The following ST8SIA2 variants were observed in gnomAD, a reference collection of about 807,000 sequenced individuals.
ST8SIA2 encodes the protein alpha-2,8-sialyltransferase 8B.
ST8SIA2 carries 22 observed loss-of-function variants against 37.6 expected under a neutral mutation model. The ratio of observed to expected loss-of-function variants is 0.58; its 90% CI spans 0.42 to 0.83. The LOEUF (loss-of-function observed/expected upper bound fraction) is 0.83. ST8SIA2 is among the 40% of genes least tolerant of loss of function. The pLI, the probability that ST8SIA2 is intolerant of heterozygous loss-of-function variation, is 0.00. For missense variants in ST8SIA2, 382 were observed against 484.7 expected (o/e 0.79, Z 1.99); for synonymous variants, 205 against 201.2 (o/e 1.02, Z -0.16).
intron 5 of ST8SIA2, among the ~76,000 whole-genome samples, chr15:92,455,554 G>A (rs1351777080): frequency 6.6e-6 from 1 of 152,180 alleles, no homozygotes; most frequent in African/African-American, 2.4e-5. Flanking sequence ...CGTGGTTTAA[G>A]TACTGCACCT....
chr15:92,412,175 A>C (rs1418542353), intron 1 of ST8SIA2, among the ~76,000 whole-genome samples: 3 of 152,134 alleles, frequency 2.0e-5, no homozygotes, highest in African/African-American at 7.2e-5. Context: ...GGAGGTGTGA[A>C]AAGGAAGGAG....
chr15:92,403,224 CT>C (rs2049484413), intron 1 of ST8SIA2, among the ~76,000 whole-genome samples: 1 of 152,162 alleles, frequency 6.6e-6, no homozygotes, highest in African/African-American at 2.4e-5. Flanking sequence ...GGTCACACAG[CT>C]AGTAAACATG....
intron 5 of ST8SIA2, among the ~76,000 whole-genome samples, chr15:92,454,350 T>C (rs2049903961): frequency 6.6e-6 from 1 of 152,072 alleles, no homozygotes; most frequent in Non-Finnish European, 1.5e-5. Flanking sequence ...CATATTGGAT[T>C]AAGGCCCACC....
intron 5 of ST8SIA2, among the ~76,000 whole-genome samples, chr15:92,451,183 T>G (rs1342915641): frequency 1.3e-5 from 2 of 152,220 alleles, no homozygotes; most frequent in Admixed American, 1.3e-4. Flanking sequence ...AACCAGGAAC[T>G]GAACTGCATT....
chr15:92,442,999 C>T (rs1009059944), intron 4 of ST8SIA2, among the ~76,000 whole-genome samples: 1 of 152,114 alleles, frequency 6.6e-6, no homozygotes, highest in African/African-American at 2.4e-5. Flanking sequence ...AAAAAAAGAG[C>T]TGACCTATGT....
At chr15:92,396,580 G>A (rs1016104518) in intron 1 of ST8SIA2, among the ~76,000 whole-genome samples, 12 of 151,356 alleles carry the variant, frequency 7.9e-5, no homozygotes, top group South Asian at 4.2e-4. Context: ...TGCAACCTCC[G>A]CCTCCCGGGT....
At chr15:92,394,196 C>A (rs1437137677) in intron 1 of ST8SIA2, 34 bp downstream of exon 1, 2 of 1,528,086 alleles carry the variant, frequency 1.3e-6, no homozygotes, top group Non-Finnish European at 1.8e-6. Context: ...TGCCACGAGC[C>A]CTGGCGGGAT....
chr15:92,401,639 C>T (rs2049472509), intron 1 of ST8SIA2, among the ~76,000 whole-genome samples: 2 of 152,198 alleles, frequency 1.3e-5, no homozygotes, highest in Non-Finnish European at 2.9e-5. Flanking sequence ...CATCCAGCCT[C>T]GCTGTGTGGG....
chr15:92,439,365 G>A (rs939432555), intron 4 of ST8SIA2, among the ~76,000 whole-genome samples: 2 of 152,138 alleles, frequency 1.3e-5, no homozygotes, highest in Admixed American at 6.5e-5. Flanking sequence ...CAGTTGCCTG[G>A]GACATTTGCA....
intron 1 of ST8SIA2, among the ~76,000 whole-genome samples, chr15:92,423,412 C>T (rs1226518204): frequency 6.6e-6 from 1 of 152,242 alleles, no homozygotes; most frequent in Non-Finnish European, 1.5e-5. Context: ...TGGAGCAAGA[C>T]TCCATCTTAA....
At chr15:92,455,347 T>C (rs1267070750) in intron 5 of ST8SIA2, among the ~76,000 whole-genome samples, 2 of 152,124 alleles carry the variant, frequency 1.3e-5, no homozygotes, top group Admixed American at 6.5e-5. Flanking sequence ...TTGTGTGTAA[T>C]GGATTCTCTC....
chr15:92,441,407 G>A (rs986470466), intron 4 of ST8SIA2, among the ~76,000 whole-genome samples: 2 of 152,186 alleles, frequency 1.3e-5, no homozygotes, highest in Non-Finnish European at 2.9e-5. Flanking sequence ...GCAGGGCACT[G>A]CTCGAGCAAG....
intron 5 of ST8SIA2, among the ~76,000 whole-genome samples, chr15:92,457,021 G>A (rs916066043): frequency 2.6e-5 from 4 of 152,214 alleles, no homozygotes; most frequent in African/African-American, 9.6e-5. Context: ...GAGATATCCT[G>A]CAGCACACCA....
At chr15:92,409,533 A>T (rs2049534238) in intron 1 of ST8SIA2, among the ~76,000 whole-genome samples, 1 of 145,342 alleles carries the variant, frequency 6.9e-6, no homozygotes, top group Non-Finnish European at 1.5e-5. Flanking sequence ...TGCTTTTTTC[A>T]TTTTCCGCTC....
intron 1 of ST8SIA2, among the ~76,000 whole-genome samples, chr15:92,407,912 A>G (rs11853083): frequency 0.33 from 50,806 of 152,118 alleles, 9,898 homozygotes; most frequent in Middle Eastern, 0.44. Context: ...TATTAAGTCA[A>G]TAAAGTCTAG....
At chr15:92,409,161 G>A (rs1267193993) in intron 1 of ST8SIA2, among the ~76,000 whole-genome samples, 1 of 152,144 alleles carries the variant, frequency 6.6e-6, no homozygotes, top group Admixed American at 6.5e-5. Context: ...AGGACTGGAG[G>A]GATGTGACCA....
chr15:92,395,299 T>G (rs1033493737), intron 1 of ST8SIA2, among the ~76,000 whole-genome samples: 5 of 152,206 alleles, frequency 3.3e-5, no homozygotes, highest in Non-Finnish European at 4.4e-5. Context: ...GCGCCCCTCC[T>G]TTGTCCCATT....
At chr15:92,428,289 T>C (rs572655272) in intron 1 of ST8SIA2, among the ~76,000 whole-genome samples, 3 of 152,294 alleles carry the variant, frequency 2.0e-5, no homozygotes, top group Non-Finnish European at 4.4e-5. Context: ...GTGATAGGGA[T>C]CTGAAAATTA....
At chr15:92,441,617 ACACG>A (rs1405545304) in intron 4 of ST8SIA2, among the ~76,000 whole-genome samples, 1 of 140,282 alleles carries the variant, frequency 7.1e-6, no homozygotes, top group Non-Finnish European at 1.6e-5. Flanking sequence ...ACACACACAC[ACACG>A]CACTTCTTCC....
Sources: gnomAD v4.1 joint callset for allele counts (sites outside exome capture counted in the v4.1 genomes callset) on GRCh38, gnomAD v4.1.1 for gene constraint, MANE v1.5 for transcripts, NCBI Gene and HGNC (gene_info 2026-07-23, HGNC 2026-07-21) for gene names.